The following ARAP2 variants were observed in gnomAD, a reference collection of about 807,000 sequenced individuals.
ARAP2 encodes ArfGAP with RhoGAP domain, ankyrin repeat and PH domain 2, also known as arf-GAP with Rho-GAP domain, ANK repeat and PH domain-containing protein 2.
In ARAP2, 148 loss-of-function variants were observed where a neutral mutation model predicts 194.5. The ratio of observed to expected loss-of-function variants is 0.76; its 90% CI spans 0.67 to 0.87. The LOEUF (loss-of-function observed/expected upper bound fraction) is 0.87. Among genes scored for constraint, ARAP2 ranks in the 40% least tolerant of loss-of-function variants. The pLI is 0.00. For missense variants in ARAP2, 2,128 were observed against 1,989.7 expected, an observed-to-expected ratio of 1.07 and a Z score of -1.32; for synonymous variants, 695 against 683.5, an observed-to-expected ratio of 1.02 and a Z score of -0.26.
At chr4:36,189,392 C>A (rs1741351998) in intron 7 of ARAP2, among the ~76,000 whole-genome samples, 1 of 152,044 alleles carries the variant, frequency 6.6e-6, no homozygotes, top group Non-Finnish European at 1.5e-5. Context: ...CTCAATTATT[C>A]ATCATCTCTC....
At chr4:36,018,740 T>A (rs1716346575) in intron 6 of ARAP2, among the ~76,000 whole-genome samples, 1 of 152,228 alleles carries the variant, frequency 6.6e-6, no homozygotes, top group African/African-American at 2.4e-5. Context: ...CAATCTCCTG[T>A]GCAGCTAAAT....
At chr4:36,182,482 C>T (rs1049465386) in intron 8 of ARAP2, among the ~76,000 whole-genome samples, 14 of 145,474 alleles carry the variant, frequency 9.6e-5, no homozygotes, top group African/African-American at 3.4e-4. Flanking sequence ...TGTGACAGAG[C>T]GAGACTCCAT....
intron 3 of ARAP2, among the ~76,000 whole-genome samples, chr4:36,048,569 T>C (rs1722178870): frequency 6.6e-6 from 1 of 152,180 alleles, no homozygotes; most frequent in Admixed American, 6.5e-5. Flanking sequence ...TAGTATTTCA[T>C]GATATACATG....
At chr4:36,190,133 A>C in intron 7 of ARAP2, among the ~76,000 whole-genome samples, 1 of 152,220 alleles carries the variant, frequency 6.6e-6, no homozygotes, top group East Asian at 1.9e-4. Flanking sequence ...AATTGTCTTC[A>C]CGCCCATCTG....
chr4:36,160,392 C>A, intron 13 of ARAP2, 67 bp downstream of exon 13: 1 of 1,350,134 alleles, frequency 7.4e-7, no homozygotes, highest in Non-Finnish European at 9.7e-7. Context: ...TACTTTTTCT[C>A]AAGAATCTTG....
rs115455052 is a variant in ARAP2 at position 36,219,117 on chromosome 4, T to A, written c.906-4637A>T. On this transcript the variant is annotated intron_variant, in intron 2 of 32. Coordinates refer to ENST00000303965, the MANE Select transcript of ARAP2 (RefSeq NM_015230.4). ...AACAAGAGGAATGCACATACACTGTTGATGGTAATGCAAATTCATACAACT... is the reference window on the plus strand; with the variant it reads ...AACAAGAGGAATGCACATACACTGTAGATGGTAATGCAAATTCATACAACT... 2.9e-3 allele frequency among the ~76,000 whole-genome samples: 437 copies of A among 152,320 alleles called. 4 individuals carry two copies. The highest frequency in any genetic ancestry group is 4.9e-3 in the Non-Finnish European group (335 of 68,012).
intron 2 of ARAP2, among the ~76,000 whole-genome samples, chr4:36,222,395 A>G (rs1749368707): frequency 6.6e-6 from 1 of 152,130 alleles, no homozygotes; most frequent in Non-Finnish European, 1.5e-5. Context: ...CATATTTGTA[A>G]TAGTTGAAAA....
chr4:36,180,368 A>C (rs1226241748), intron 8 of ARAP2, among the ~76,000 whole-genome samples: 1 of 152,198 alleles, frequency 6.6e-6, no homozygotes, highest in Non-Finnish European at 1.5e-5. Context: ...ATACATCATA[A>C]ACCAAAAGAC....
At chr4:36,039,459 C>A (rs1234090239) in intron 5 of ARAP2, among the ~76,000 whole-genome samples, 2 of 152,150 alleles carry the variant, frequency 1.3e-5, no homozygotes, top group Admixed American at 6.6e-5. Flanking sequence ...TCAAATTGGA[C>A]CACTGGCGGT....
At chr4:36,212,359 T>G in intron 5 of ARAP2, 37 bp downstream of exon 5, 1 of 1,468,504 alleles carries the variant, frequency 6.8e-7, no homozygotes, top group Non-Finnish European at 9.5e-7. Flanking sequence ...AACAGTTTAT[T>G]CTAAATAGTT....
At chr4:36,037,676 G>C (rs1720165325) in intron 5 of ARAP2, among the ~76,000 whole-genome samples, 2 of 152,114 alleles carry the variant, frequency 1.3e-5, no homozygotes, top group African/African-American at 4.8e-5. Flanking sequence ...GGAGGGAGGG[G>C]CTGGTATCAT....
At chr4:36,043,823 G>GGCAAGGGAAC (rs1560311403) in intron 5 of ARAP2, among the ~76,000 whole-genome samples, 7 of 68,318 alleles carry the variant, frequency 1.0e-4, no homozygotes, top group Non-Finnish European at 1.2e-4. Context: ...GGGAAGGGAA[G>GGCAAGGGAAC]GGAAGGGGAG....
chr4:36,157,220 A>T (rs1732767157), intron 15 of ARAP2, among the ~76,000 whole-genome samples: 1 of 152,228 alleles, frequency 6.6e-6, no homozygotes, highest in Non-Finnish European at 1.5e-5. Flanking sequence ...AGTCTGTGAT[A>T]TCCCAGTATT....
intron 19 of ARAP2, among the ~76,000 whole-genome samples, chr4:36,144,641 C>T (rs1729185947): frequency 6.6e-6 from 1 of 151,706 alleles, no homozygotes; most frequent in African/African-American, 2.4e-5. Context: ...TGATGTCGTC[C>T]CATGAAGTTG....
At chr4:36,158,887 G>C in intron 14 of ARAP2, 23 bp from the exon 15 acceptor site, 1 of 1,564,534 alleles carries the variant, frequency 6.4e-7, no homozygotes. Context: ...AAGAAATAAG[G>C]CACAAGAAAT....
chr4:36,122,770 A>C (rs913350867), intron 22 of ARAP2, among the ~76,000 whole-genome samples: 1 of 151,748 alleles, frequency 6.6e-6, no homozygotes, highest in Non-Finnish European at 1.5e-5. Flanking sequence ...TACAAAAAAA[A>C]CCAAAACAAC....
At chr4:36,005,945 C>G (rs1416218773) in intron 10 of ARAP2, 4 of 152,154 alleles carry the variant, frequency 2.6e-5, no homozygotes, top group Non-Finnish European at 5.9e-5. Flanking sequence ...TGTAGAGAAA[C>G]CATTTGATGC....
At chr4:36,145,073 G>A (rs1729321690) in intron 19 of ARAP2, among the ~76,000 whole-genome samples, 1 of 151,630 alleles carries the variant, frequency 6.6e-6, no homozygotes, top group African/African-American at 2.4e-5. Flanking sequence ...ATTACAAGAA[G>A]CCAAGGGGAA....
chr4:36,232,835 A>G (rs1751750120), intron 1 of ARAP2, among the ~76,000 whole-genome samples: 1 of 152,232 alleles, frequency 6.6e-6, no homozygotes, highest in Admixed American at 6.5e-5. Context: ...AGGCTGATAA[A>G]AATGGCAGAA....
Sources: allele counts gnomAD v4.1 joint callset (sites outside exome capture counted in the v4.1 genomes callset), GRCh38; gene constraint gnomAD v4.1.1; transcripts MANE v1.5; gene names NCBI Gene and HGNC (gene_info 2026-07-23, HGNC 2026-07-21).